Variants in MARCHF1 observed in about 807,000 individuals in gnomAD.
The protein encoded by MARCHF1 is membrane associated ring-CH-type finger 1, also known as E3 ubiquitin-protein ligase MARCHF1.
MARCHF1 carries 40 observed loss-of-function variants against 54.2 expected under a neutral mutation model. The observed-to-expected ratio is 0.74, with a 90% CI of 0.57 to 0.96. The LOEUF (loss-of-function observed/expected upper bound fraction) is 0.96, where lower values mean the gene tolerates loss of function less well. MARCHF1 is among the 40% of genes least tolerant of loss of function. MARCHF1 has a pLI of 0.00. For synonymous variants in MARCHF1, 236 were observed against 236.3 expected (o/e 1.00, Z 0.01); for missense variants, 586 against 656.5 (o/e 0.89, Z 1.17).
intron 5 of MARCHF1, among the ~76,000 whole-genome samples, chr4:163,629,600 C>CT (rs1458618743): frequency 6.6e-6 from 1 of 152,118 alleles, no homozygotes; most frequent in Admixed American, 6.6e-5. Flanking sequence ...GCAAAAGAAA[C>CT]TATCATCAGA....
chr4:164,235,993 C>A (rs190685027), intron 1 of MARCHF1, among the ~76,000 whole-genome samples: 1 of 151,978 alleles, frequency 6.6e-6, no homozygotes, highest in Non-Finnish European at 1.5e-5. Context: ...TAGGTGTTTG[C>A]GTGCTATTTT....
At chr4:163,817,469 C>CAT (rs892830118) in intron 4 of MARCHF1, among the ~76,000 whole-genome samples, 2 of 149,866 alleles carry the variant, frequency 1.3e-5, no homozygotes, top group African/African-American at 2.4e-5. Flanking sequence ...GAGCAACACA[C>CAT]ACACACACAC....
chr4:164,026,154 A>G (rs1054599501), intron 2 of MARCHF1, among the ~76,000 whole-genome samples: 2 of 152,160 alleles, frequency 1.3e-5, no homozygotes, highest in African/African-American at 4.8e-5. Context: ...TCCAGCAGAC[A>G]TACAAAGAAG....
chr4:163,936,787 C>T (rs978805815), intron 3 of MARCHF1, among the ~76,000 whole-genome samples: 2 of 152,230 alleles, frequency 1.3e-5, no homozygotes, highest in East Asian at 3.9e-4. Context: ...TTCTCCCTGC[C>T]TTTTCATTTT....
At chr4:164,049,788 A>G (rs1754320187) in intron 2 of MARCHF1, among the ~76,000 whole-genome samples, 1 of 152,174 alleles carries the variant, frequency 6.6e-6, no homozygotes, top group Non-Finnish European at 1.5e-5. Flanking sequence ...TGAGAAACCT[A>G]CTGAAATTAC....
chr4:163,742,397 C>CCCTTCCTTCCTTCCTT (rs201806407), intron 4 of MARCHF1, among the ~76,000 whole-genome samples: 398 of 91,296 alleles, frequency 4.4e-3, no homozygotes, highest in African/African-American at 0.014. Flanking sequence ...CTTCCTTCCT[C>CCCTTCCTTCCTTCCTT]CCTTCCTTCC....
intron 4 of MARCHF1, among the ~76,000 whole-genome samples, chr4:163,711,980 GTATAATCA>G (rs539354883): frequency 1.4e-4 from 22 of 152,060 alleles, no homozygotes; most frequent in Non-Finnish European, 2.5e-4. Flanking sequence ...TACTCTGGAG[GTATAATCA>G]TATTTTATCA....
chr4:164,322,059 T>A (rs1311124967), intron 1 of MARCHF1, among the ~76,000 whole-genome samples: 3 of 152,050 alleles, frequency 2.0e-5, no homozygotes, highest in African/African-American at 7.2e-5. Flanking sequence ...AAGAGAAGTA[T>A]AAATATTGTA....
intron 5 of MARCHF1, among the ~76,000 whole-genome samples, chr4:163,635,337 T>A (rs1191821048): frequency 6.7e-6 from 1 of 149,704 alleles, no homozygotes; most frequent in East Asian, 2.0e-4. Flanking sequence ...TCAACAAAAT[T>A]GATAGACCGC....
chr4:163,659,150 T>C (rs959777693), intron 5 of MARCHF1, among the ~76,000 whole-genome samples: 1 of 151,988 alleles, frequency 6.6e-6, no homozygotes, highest in Non-Finnish European at 1.5e-5. Flanking sequence ...GTGTATTGCA[T>C]TCACTACATT....
chr4:163,610,433 T>C (rs904806074), intron 7 of MARCHF1, among the ~76,000 whole-genome samples: 2 of 152,120 alleles, frequency 1.3e-5, no homozygotes, highest in Non-Finnish European at 2.9e-5. Context: ...TCTTTGAAAA[T>C]GTTTCTCCAG....
At position 163,889,503 on chromosome 4, in the gene MARCHF1, C is replaced by T. The variant is rs180781124; in HGVS notation, c.-38-35334G>A. 2.6e-3 allele frequency among the ~76,000 whole-genome samples: 400 copies of T among 152,084 alleles called. 1 individual carries two copies. Among genetic ancestry groups the T allele is most frequent in the African/African-American group, 9.3e-3 (387 of 41,458 alleles). Reference sequence around the variant, plus strand: ...AAATTTCATATTCTTTGGTATAGTCCCATCACCATGTAGTACAGCCAAACA... The same window carrying T: ...AAATTTCATATTCTTTGGTATAGTCTCATCACCATGTAGTACAGCCAAACA... On this transcript the variant is annotated intron_variant, in intron 3 of 9. Coordinates refer to ENST00000514618, the MANE Select transcript of MARCHF1 (RefSeq NM_001394959.1).
rs115753664 is a variant in MARCHF1 at position 164,315,641 on chromosome 4, C to G, written c.-323+68229G>C. Among the ~76,000 whole-genome samples the G allele has an allele frequency of 6.6e-5, 10 of 152,250 alleles. No individual in the cohort carries two copies. The East Asian group carries it at 1.5e-3, about 24-fold the overall frequency. On this transcript the variant is annotated intron_variant, in intron 1 of 9. Coordinates refer to ENST00000514618, the MANE Select transcript of MARCHF1 (RefSeq NM_001394959.1). ...ACTTACTTTAGCTGCCCCAGGCCAGCTGATGACCTCTATCAGAAAGCTGAA... is the reference window on the plus strand; with the variant it reads ...ACTTACTTTAGCTGCCCCAGGCCAGGTGATGACCTCTATCAGAAAGCTGAA...
At chr4:164,106,013 A>C (rs1755688361) in intron 2 of MARCHF1, among the ~76,000 whole-genome samples, 5 of 150,392 alleles carry the variant, frequency 3.3e-5, no homozygotes, top group East Asian at 1.9e-4. Context: ...ACACATGAAA[A>C]AATGCTCATC....
chr4:164,241,014 C>A (rs536969770), intron 1 of MARCHF1, among the ~76,000 whole-genome samples: 1 of 152,236 alleles, frequency 6.6e-6, no homozygotes, highest in South Asian at 2.1e-4. Flanking sequence ...TTCCCAATTA[C>A]TCCTATAGGT....
chr4:163,869,105 C>A (rs1037938587), intron 3 of MARCHF1, among the ~76,000 whole-genome samples: 3 of 151,772 alleles, frequency 2.0e-5, no homozygotes. Flanking sequence ...CATGCTCTCC[C>A]CCAAAAACCC....
intron 3 of MARCHF1, among the ~76,000 whole-genome samples, chr4:163,925,988 A>C (rs1403731957): frequency 6.6e-6 from 1 of 151,610 alleles, no homozygotes; most frequent in African/African-American, 2.4e-5. Flanking sequence ...CTTTCTTCTG[A>C]TTTCAGTATG....
At chr4:163,750,279 A>G (rs1320696276) in intron 4 of MARCHF1, among the ~76,000 whole-genome samples, 4 of 152,042 alleles carry the variant, frequency 2.6e-5, no homozygotes, top group African/African-American at 9.7e-5. Context: ...TGGGAGGCCG[A>G]GGCGGGCGGA....
chr4:164,218,323 C>G (rs1037049887), intron 1 of MARCHF1, among the ~76,000 whole-genome samples: 4 of 151,972 alleles, frequency 2.6e-5, no homozygotes, highest in African/African-American at 9.6e-5. Flanking sequence ...CATTTTTGTT[C>G]TTTTTCATCA....
Sources: allele counts gnomAD v4.1 joint callset (sites outside exome capture counted in the v4.1 genomes callset), GRCh38; gene constraint gnomAD v4.1.1; transcripts MANE v1.5; gene names NCBI Gene and HGNC (gene_info 2026-07-23, HGNC 2026-07-21).